CCDC150: variants seen among roughly 807,000 people sequenced by gnomAD.
CCDC150 encodes the protein coiled-coil domain-containing protein 150.
Under a neutral mutation model 156.5 loss-of-function variants are expected in CCDC150, and 151 were observed. The observed-to-expected ratio is 0.97, with a 90% confidence interval of 0.85 to 1.10. The LOEUF (loss-of-function observed/expected upper bound fraction) is 1.10. Ranked by LOEUF, CCDC150 falls within the 50% of genes least tolerant of loss-of-function variation. CCDC150 has a pLI of 0.00. For synonymous variants in CCDC150, 452 were observed against 429.4 expected (o/e 1.05, Z -0.65); for missense variants, 1,312 against 1,268.1 (o/e 1.03, Z -0.53).
At chr2:196,705,380 C>A (rs574820932) in intron 15 of CCDC150, among the ~76,000 whole-genome samples, 1 of 152,156 alleles carries the variant, frequency 6.6e-6, no homozygotes, top group Non-Finnish European at 1.5e-5. Flanking sequence ...TCATATCCTT[C>A]GCCAACTTTT....
intron 5 of CCDC150, among the ~76,000 whole-genome samples, chr2:196,664,930 G>T (rs531940760): frequency 6.6e-6 from 1 of 152,280 alleles, no homozygotes; most frequent in South Asian, 2.1e-4. Flanking sequence ...TTGAGTGTCG[G>T]TTTGGTCTGC....
chr2:196,685,703 C>G (rs972907146), intron 13 of CCDC150, among the ~76,000 whole-genome samples: 81 of 152,036 alleles, frequency 5.3e-4, no homozygotes, highest in African/African-American at 1.9e-3. Context: ...GCTCCACCTC[C>G]CGGGTTCATG....
chr2:196,671,584 C>T (rs1011625324), intron 8 of CCDC150, among the ~76,000 whole-genome samples: 6 of 120,582 alleles, frequency 5.0e-5, no homozygotes, highest in South Asian at 6.7e-4. Flanking sequence ...CCCTCCACCA[C>T]GCCTGGCTAA....
intron 13 of CCDC150, among the ~76,000 whole-genome samples, chr2:196,677,763 G>C (rs1425180416): frequency 6.6e-6 from 1 of 152,210 alleles, no homozygotes; most frequent in Non-Finnish European, 1.5e-5. Flanking sequence ...GGCCAAGGCA[G>C]GTGGATCATT....
chr2:196,653,148 T>G (rs1021988299), intron 2 of CCDC150, among the ~76,000 whole-genome samples: 20 of 152,216 alleles, frequency 1.3e-4, no homozygotes, highest in Admixed American at 1.1e-3. Flanking sequence ...GCATTTGGCT[T>G]CCTTTTAGTC....
At chr2:196,668,142 C>T (rs919783262) in intron 7 of CCDC150, among the ~76,000 whole-genome samples, 1 of 151,810 alleles carries the variant, frequency 6.6e-6, no homozygotes, top group Non-Finnish European at 1.5e-5. Flanking sequence ...ACTGAAAATA[C>T]AAAAAATTAG....
intron 13 of CCDC150, among the ~76,000 whole-genome samples, chr2:196,687,267 G>A (rs190264942): frequency 6.6e-6 from 1 of 152,214 alleles, no homozygotes; most frequent in East Asian, 1.9e-4. Flanking sequence ...AACCTCACCA[G>A]CATCTGTTAT....
intron 2 of CCDC150, among the ~76,000 whole-genome samples, chr2:196,651,281 C>T (rs557316869): frequency 4.6e-5 from 7 of 152,236 alleles, no homozygotes; most frequent in East Asian, 1.9e-4. Flanking sequence ...TTATTAGTTT[C>T]GTCTTTTAAC....
chr2:196,710,956 T>A (rs994853231), intron 15 of CCDC150, among the ~76,000 whole-genome samples: 1 of 152,020 alleles, frequency 6.6e-6, no homozygotes, highest in Non-Finnish European at 1.5e-5. Flanking sequence ...TTTTTAAACA[T>A]ATGTCAGTTT....
intron 15 of CCDC150, among the ~76,000 whole-genome samples, chr2:196,709,219 T>A (rs545024028): frequency 6.6e-6 from 1 of 152,318 alleles, no homozygotes; most frequent in African/African-American, 2.4e-5. Context: ...CTCTTTTTTC[T>A]CTAAACTTCT....
At position 196,674,144 on chromosome 2, in the gene CCDC150, A is replaced by G. The variant is rs1016889450; in HGVS notation, c.1030-97A>G. ...GGTTAAATAGATTAGTTTCATATAT[A>G]CAGTGAGATACTATGCAATCATTAA... On this transcript the variant is annotated intron_variant, in intron 9 of 27. Coordinates refer to ENST00000389175, the MANE Select transcript of CCDC150 (RefSeq NM_001080539.2). 8.3e-6 allele frequency: 6 copies of G among 725,600 alleles called. No homozygotes were observed. In the African/African-American group the frequency reaches 9.0e-5, roughly 11 times the overall value. 44.9% of individuals were successfully genotyped at this position (725,600 alleles called of 1,614,324 possible). A position where few individuals can be genotyped will look rare whatever the true frequency, so the allele number is the denominator to read the frequency against.
At chr2:196,647,798 A>G (rs552094526) in intron 2 of CCDC150, among the ~76,000 whole-genome samples, 15 of 152,286 alleles carry the variant, frequency 9.8e-5, no homozygotes, top group African/African-American at 3.6e-4. Flanking sequence ...GAAATATACA[A>G]TACGTTATTA....
intron 13 of CCDC150, among the ~76,000 whole-genome samples, chr2:196,694,708 A>C (rs1229296236): frequency 1.3e-5 from 2 of 152,060 alleles, no homozygotes; most frequent in African/African-American, 4.8e-5. Context: ...CTAAAAATAC[A>C]AAAATTAGCT....
intron 5 of CCDC150, among the ~76,000 whole-genome samples, chr2:196,659,882 T>C (rs1387138339): frequency 1.3e-5 from 2 of 152,214 alleles, no homozygotes; most frequent in Non-Finnish European, 2.9e-5. Context: ...TAAAGTGCTA[T>C]GGGTTTGACA....
intron 13 of CCDC150, among the ~76,000 whole-genome samples, chr2:196,688,826 A>G (rs1019408019): frequency 4.0e-4 from 61 of 151,238 alleles, no homozygotes; most frequent in African/African-American, 1.4e-3. Context: ...GCCCATGCCT[A>G]TGTCCTGAAT....
intron 13 of CCDC150, among the ~76,000 whole-genome samples, chr2:196,683,685 T>C (rs1221042957): frequency 6.6e-6 from 1 of 152,062 alleles, no homozygotes; most frequent in African/African-American, 2.4e-5. Context: ...TGGTTTATTA[T>C]TTTTATTCTT....
At chr2:196,661,749 A>C (rs763898862) in intron 5 of CCDC150, among the ~76,000 whole-genome samples, 2 of 152,252 alleles carry the variant, frequency 1.3e-5, no homozygotes, top group African/African-American at 2.4e-5. Flanking sequence ...CCTTAATAGT[A>C]CTTCAGAAAC....
intron 15 of CCDC150, among the ~76,000 whole-genome samples, chr2:196,709,968 G>A (rs1035889346): frequency 6.6e-6 from 1 of 152,228 alleles, no homozygotes; most frequent in African/African-American, 2.4e-5. Context: ...ATGGGGGTCA[G>A]GGACCCACTT....
chr2:196,711,833 T>C (rs1294702534), intron 15 of CCDC150, among the ~76,000 whole-genome samples: 1 of 152,044 alleles, frequency 6.6e-6, no homozygotes, highest in Non-Finnish European at 1.5e-5. Context: ...GCCACAAATT[T>C]TTGAATTACA....
Sources: allele counts gnomAD v4.1 joint callset (sites outside exome capture counted in the v4.1 genomes callset), GRCh38; gene constraint gnomAD v4.1.1; transcripts MANE v1.5; gene names NCBI Gene and HGNC (gene_info 2026-07-23, HGNC 2026-07-21).